The following COL6A3 variants were observed in gnomAD, a reference collection of about 807,000 sequenced individuals.
The protein encoded by COL6A3 is collagen alpha-3(VI) chain.
Under a neutral mutation model 274.1 loss-of-function variants are expected in COL6A3, and 137 were observed. That is an observed-to-expected ratio of 0.50 (90% CI 0.44 to 0.58). The LOEUF (loss-of-function observed/expected upper bound fraction) is 0.58, where lower values mean the gene tolerates loss of function less well. Ranked by LOEUF, COL6A3 falls within the 20% of genes least tolerant of loss-of-function variation. COL6A3 has a pLI of 0.00. For synonymous variants in COL6A3, 1,650 were observed against 1,650.6 expected, an observed-to-expected ratio of 1.00 and a Z score of 0.01; for missense variants, 3,950 against 4,124.9, an observed-to-expected ratio of 0.96 and a Z score of 1.16.
In COL6A3 at chr2:237,413,370, C is replaced by G. The variant is rs1052862506; in HGVS notation, c.-31+583G>C. Reference sequence around the variant, plus strand: ...AAAGACGAAAGCTTGACGGCAATGACTGAGCGACCCTTTACTTGGCCCTGA... The same window carrying G: ...AAAGACGAAAGCTTGACGGCAATGAGTGAGCGACCCTTTACTTGGCCCTGA... On this transcript the variant is annotated intron_variant, in intron 1 of 43. Coordinates refer to ENST00000295550, the MANE Select transcript of COL6A3 (RefSeq NM_004369.4). The surrounding 1 kb of genome is among the most constrained non-coding windows in gnomAD (Gnocchi z 4.0). Among the ~76,000 whole-genome samples the G allele has an allele frequency of 5.9e-5, 9 of 152,250 alleles. No individual in the cohort carries two copies. The highest frequency in any genetic ancestry group is 1.0e-4 in the Non-Finnish European group (7 of 68,050).
At chr2:237,389,592 T>C (rs1179607648) in intron 3 of COL6A3, among the ~76,000 whole-genome samples, 1 of 152,204 alleles carries the variant, frequency 6.6e-6, no homozygotes, top group African/African-American at 2.4e-5. Flanking sequence ...TCTCACAAAA[T>C]TGAAGAGTTC....
intron 30 of COL6A3, 134 bp from the exon 31 acceptor site, chr2:237,348,003 CT>C: frequency 1.3e-6 from 1 of 799,484 alleles, no homozygotes; most frequent in Non-Finnish European, 2.1e-6. Flanking sequence ...TTTTGATTCA[CT>C]TTTCCAGTGG....
At chr2:237,410,653 T>C (rs1222331658) in intron 1 of COL6A3, among the ~76,000 whole-genome samples, 1 of 152,166 alleles carries the variant, frequency 6.6e-6, no homozygotes, top group African/African-American at 2.4e-5. Context: ...CCAGAATGTA[T>C]TAAAAATTAT....
At chr2:237,410,250 G>A (rs981427624) in intron 1 of COL6A3, among the ~76,000 whole-genome samples, 4 of 150,430 alleles carry the variant, frequency 2.7e-5, no homozygotes, top group African/African-American at 7.3e-5. Flanking sequence ...AAACCAAACT[G>A]CCTTTTCAAA....
rs961940464 is a variant in COL6A3 at position 237,370,207 on chromosome 2, A to T, written c.4286-1030T>A. ...ATTTTCTTTACATTAGCGCATTTTT[A>T]AAAATATTTAATTCTATTAAATAAC... is the stretch of plus-strand genomic sequence containing the variant. On this transcript the variant is annotated intron_variant, in intron 9 of 43. Transcript: ENST00000295550. 4.0e-5 allele frequency among the ~76,000 whole-genome samples: 6 copies of T among 150,064 alleles called. No individual in the cohort carries two copies. The South Asian group carries it at 8.5e-4, about 21-fold the overall frequency.
rs752418797 is a variant in COL6A3, at chr2:237,367,025, A to C, written c.5162T>G (p.Val1721Gly). The C allele has an allele frequency of 6.2e-7, 1 of 1,614,204 alleles. No individual in the cohort carries two copies. The highest frequency in any genetic ancestry group is 8.5e-7 in the Non-Finnish European group (1 of 1,180,034). Residue 1721 changes from valine (V) to glycine (G), a missense_variant, in exon 11 of 44, where the codon GTG becomes GGG. Physicochemically the swap from Val to Gly is moderately radical, Grantham distance 109 (BLOSUM62 -3). Transcript: ENST00000295550. ...YKGGRHANTK[V>G]GLEHLRVNHF... is the part of the protein sequence containing the mutation. The stretch of plus-strand genomic sequence containing the variant: ...GTTTACCCGCAGGTGCTCAAGGCCC[A>C]CCTTAGTGTTGGCGTGTCTTCCCCC...
chr2:237,363,734 T>C (rs1166302150), intron 13 of COL6A3, among the ~76,000 whole-genome samples: 1 of 152,144 alleles, frequency 6.6e-6, no homozygotes, highest in African/African-American at 2.4e-5. Context: ...ACCTCCAAAA[T>C]CAGATAATAG....
chr2:237,361,060 C>A lies in COL6A3; in HGVS notation c.6210+61G>T. 7 of 1,348,126 alleles carry A rather than the reference C, an allele frequency of 5.2e-6. No homozygotes were observed. Among genetic ancestry groups the A allele is most frequent in the Non-Finnish European group, 6.4e-6 (6 of 937,640 alleles). 83.5% of individuals were successfully genotyped at this position (1,348,126 alleles called of 1,614,324 possible). ...CAAATGATGAAATCCACAATGCAAT[C>A]CCAATGGGTAAGGATCAAGGAGGGG... On this transcript the variant is annotated intron_variant, in intron 16 of 43. Transcript: ENST00000295550. The surrounding 1 kb of genome is among the most constrained non-coding windows in gnomAD (Gnocchi z 5.1).
At chr2:237,329,127 C>T (rs912087225) in intron 42 of COL6A3, 2 of 152,244 alleles carry the variant, frequency 1.3e-5, no homozygotes, top group African/African-American at 4.8e-5. Flanking sequence ...ATGATCTCAG[C>T]TCACTGCAAC....
chr2:237,360,022 C>T, intron 17 of COL6A3, 66 bp downstream of exon 17: 1 of 1,514,950 alleles, frequency 6.6e-7, no homozygotes. Flanking sequence ...TCCCTGGCAG[C>T]ATCTGGAGAA....
rs564536868 is a variant in COL6A3 at position 237,346,703 on chromosome 2, C to A, written c.7030-138G>T. 2.4e-5 allele frequency: 18 copies of A among 755,042 alleles called. 1 individual carries two copies. In the South Asian group the frequency reaches 2.7e-4, roughly 11 times the overall value. 46.8% of individuals were successfully genotyped at this position (755,042 alleles called of 1,614,324 possible). A position where few individuals can be genotyped will look rare whatever the true frequency, so the allele number is the denominator to read the frequency against. On this transcript the variant is annotated intron_variant, in intron 31 of 43. Coordinates refer to ENST00000295550, the MANE Select transcript of COL6A3 (RefSeq NM_004369.4). ...CGAAAAATCTCTCACTTTAAGGGAGCTAAAATGTCTCTTAAATTCAAGTTT... is the reference window on the plus strand; with the variant it reads ...CGAAAAATCTCTCACTTTAAGGGAGATAAAATGTCTCTTAAATTCAAGTTT...
intron 1 of COL6A3, among the ~76,000 whole-genome samples, chr2:237,398,764 G>A (rs1574764804): frequency 6.6e-6 from 1 of 152,136 alleles, no homozygotes; most frequent in African/African-American, 2.4e-5. Context: ...AGACTGGCCA[G>A]GGGTTCCCCA....
At position 237,395,042 on chromosome 2, in the gene COL6A3, C is replaced by T. The variant is rs369814614; in HGVS notation, c.254G>A (p.Gly85Glu). The T allele has an allele frequency of 2.7e-5, 44 of 1,614,006 alleles. No individual in the cohort carries two copies. Among genetic ancestry groups the T allele is most frequent in the Non-Finnish European group, 3.4e-5 (40 of 1,180,022 alleles). ...DFHFALVQFN[G>E]NPHTEFLLNT... is the part of the protein sequence containing the mutation. The stretch of plus-strand genomic sequence containing the variant: ...TAACAGGAACTCGGTATGTGGGTTT[C>T]CGTTGAACTGGACCAGAGCAAAATG... The change falls in exon 3 of 44, where the codon GGA (glycine) becomes GAA (glutamate). Residue 85 changes from glycine (G) to glutamate (E), a missense_variant. Transcript: ENST00000295550.
intron 11 of COL6A3, among the ~76,000 whole-genome samples, 171 bp downstream of exon 11, chr2:237,366,516 G>A (rs879778790): frequency 1.2e-4 from 18 of 152,288 alleles, no homozygotes; most frequent in Non-Finnish European, 1.9e-4. Context: ...TTGGAAGAAC[G>A]CCCTAGGTAG....
rs532301010 is a variant in COL6A3, at chr2:237,363,594, G to A, written c.5918-196C>T. Among the ~76,000 whole-genome samples, 8 of 152,180 alleles carry A rather than the reference G, an allele frequency of 5.3e-5. No homozygotes were observed. In the South Asian group the frequency reaches 8.3e-4, roughly 16 times the overall value. ...TGGACTCTGCTGAATAATTGTTTCC[G>A]GTATGTCAATAACTAAACCTATTAC... On this transcript the variant is annotated intron_variant, in intron 13 of 43. Coordinates refer to ENST00000295550, the MANE Select transcript of COL6A3 (RefSeq NM_004369.4).
chr2:237,352,408 G>T, intron 26 of COL6A3, 114 bp downstream of exon 26: 2 of 1,038,128 alleles, frequency 1.9e-6, no homozygotes, highest in South Asian at 1.4e-5. Context: ...TGCCAAAGAG[G>T]AGAGCTAAAG....
intron 26 of COL6A3, 148 bp from the exon 27 acceptor site, chr2:237,351,340 T>C (rs2077202547): frequency 8.1e-6 from 6 of 738,086 alleles, no homozygotes; most frequent in Non-Finnish European, 4.9e-6. Flanking sequence ...CACTCAGCTC[T>C]GAGCACGGGG....
chr2:237,351,171 C>T lies in COL6A3; in HGVS notation c.6775G>A (p.Ala2259Thr), dbSNP rs2077198497. The change falls in exon 27 of 44, where the codon GCT becomes ACT. Residue 2259 changes from alanine to threonine, a missense_variant. Around this residue, in one of 5 missense-constraint regions of COL6A3, gnomAD observed 1,284 missense variants for 1,349.7 expected, o/e 0.95. Transcript: ENST00000295550. ...GPRGSGGAAGAPGERGRTGPL... is the reference protein window; with the variant it reads ...GPRGSGGAAGTPGERGRTGPL... ...CCGGTTCTGCCTCGTTCTCCAGGAG[C>T]ACCAGCGGCACCTCCGCTTCCCTGG... The T allele has an allele frequency of 6.2e-7, 1 of 1,614,242 alleles. No homozygotes were observed. Among genetic ancestry groups the T allele is most frequent in the African/African-American group, 1.3e-5 (1 of 75,056 alleles).
At chr2:237,356,400 G>T (rs2077317015) in intron 23 of COL6A3, among the ~76,000 whole-genome samples, 1 of 152,076 alleles carries the variant, frequency 6.6e-6, no homozygotes, top group Admixed American at 6.5e-5. Flanking sequence ...ATTTTAAAAT[G>T]ATATTTTCAA....
Sources: gnomAD v4.1 joint callset for allele counts (sites outside exome capture counted in the v4.1 genomes callset) on GRCh38, gnomAD v4.1.1 for gene constraint, gnomAD v4.1.1 regional missense constraint, Gnocchi (gnomAD v3.1) non-coding constraint, MANE v1.5 for transcripts, NCBI Gene and HGNC (gene_info 2026-07-23, HGNC 2026-07-21) for gene names.